Variants in TSNARE1 observed in about 807,000 individuals in gnomAD.
The protein encoded by TSNARE1 is t-SNARE domain-containing protein 1.
A neutral mutation model predicts 62.0 loss-of-function variants in TSNARE1; 49 were observed. The observed-to-expected ratio is 0.79, with a 90% confidence interval of 0.63 to 1.00. The LOEUF is 1.00. Ranked by LOEUF, TSNARE1 falls within the 50% of genes least tolerant of loss-of-function variation. TSNARE1 has a pLI of 0.00. For synonymous variants in TSNARE1, 328 were observed against 294.4 expected (o/e 1.11, Z -1.17); for missense variants, 755 against 700.1 (o/e 1.08, Z -0.88).
At chr8:142,353,755 G>C (rs916008415) in intron 2 of TSNARE1, among the ~76,000 whole-genome samples, 2 of 111,950 alleles carry the variant, frequency 1.8e-5, no homozygotes, top group African/African-American at 9.4e-5. Context: ...TGCAAGGGAG[G>C]AACCACCCCA....
intron 11 of TSNARE1, among the ~76,000 whole-genome samples, chr8:142,282,694 G>C (rs1476618705): frequency 6.7e-6 from 1 of 150,096 alleles, no homozygotes; most frequent in Non-Finnish European, 1.5e-5. Flanking sequence ...AATGAGCAGA[G>C]GCGGGGCCAG....
chr8:142,395,167 G>A (rs1289516604), intron 1 of TSNARE1, among the ~76,000 whole-genome samples: 1 of 152,080 alleles, frequency 6.6e-6, no homozygotes, highest in African/African-American at 2.4e-5. Flanking sequence ...TGCCCACTGT[G>A]GGCATTTTCC....
intron 1 of TSNARE1, among the ~76,000 whole-genome samples, chr8:142,382,052 C>A (rs1836795982): frequency 6.6e-6 from 1 of 152,168 alleles, no homozygotes; most frequent in Admixed American, 6.5e-5. Flanking sequence ...CTGGCCGTTC[C>A]CAGGCCCACG....
At chr8:142,403,820 C>T (rs1838483532), upstream of TSNARE1, 1 of 152,248 alleles carries the variant, frequency 6.6e-6, no homozygotes, top group African/African-American at 2.4e-5. Flanking sequence ...CCTCCTGGGA[C>T]CTCCTTCCGC....
At chr8:142,279,961 G>A in intron 11 of TSNARE1, 1 of 1,114,344 alleles carries the variant, frequency 9.0e-7, no homozygotes, top group South Asian at 1.9e-5. Flanking sequence ...GCCGGGGGCG[G>A]GGCCGCCCTC....
intron 13 of TSNARE1, among the ~76,000 whole-genome samples, chr8:142,225,979 C>A (rs1316550150): frequency 6.6e-6 from 1 of 152,192 alleles, no homozygotes; most frequent in Non-Finnish European, 1.5e-5. Flanking sequence ...CTCATTCCTG[C>A]TCCCTCTCCA....
chr8:142,405,701 T>G (rs1468949392), upstream of TSNARE1: 1 of 30,012 alleles, frequency 3.3e-5, no homozygotes, highest in African/African-American at 1.3e-4. Context: ...CCTCCCACCC[T>G]TCCTCTCTAC....
upstream of TSNARE1, chr8:142,403,360 C>T (rs1838452216): frequency 6.6e-6 from 1 of 151,896 alleles, no homozygotes; most frequent in South Asian, 2.1e-4. Flanking sequence ...GTCGGCTGTC[C>T]TCACTTGCCT....
intron 13 of TSNARE1, among the ~76,000 whole-genome samples, chr8:142,222,611 T>TCCACTCAC: frequency 1.5e-5 from 1 of 65,140 alleles, no homozygotes; most frequent in East Asian, 5.4e-4. Flanking sequence ...CACTCACTCA[T>TCCACTCAC]TCATCCACTC....
intron 12 of TSNARE1, among the ~76,000 whole-genome samples, chr8:142,247,315 G>A (rs1460303809): frequency 6.6e-6 from 1 of 152,260 alleles, no homozygotes; most frequent in East Asian, 1.9e-4. Context: ...GGTGCGTCTA[G>A]AAGGTGGGAC....
chr8:142,217,406 C>G (rs145582377), intron 13 of TSNARE1, among the ~76,000 whole-genome samples: 1 of 151,894 alleles, frequency 6.6e-6, no homozygotes, highest in Non-Finnish European at 1.5e-5. Flanking sequence ...AAGCAAGCAA[C>G]GGCGTAAGGA....
Position 142,379,487 on chromosome 8 carries a change from C to T in TSNARE1, c.-40+23617G>A, listed in dbSNP as rs115884209. Among the ~76,000 whole-genome samples the T allele has an allele frequency of 6.9e-3, 1,051 of 152,368 alleles. 11 individuals carry two copies. The highest frequency in any genetic ancestry group is 0.024 in the African/African-American group (990 of 41,590). On this transcript the variant is annotated intron_variant, in intron 1 of 13. Transcript: ENST00000524325. ...GGTTTCACAACTTCTAAAACAAACA[C>T]GGCCAACACCACTCCTGCCAGGGGC...
In TSNARE1 at chr8:142,344,348, G is replaced by C; in HGVS notation, c.363C>G (p.Ala121=). 1.9e-6 allele frequency: 3 copies of C among 1,577,246 alleles called. No individual in the cohort carries two copies. The highest frequency in any genetic ancestry group is 1.7e-6 in the Non-Finnish European group (2 of 1,160,956). The change falls in exon 4 of 14, where the codon GCC becomes GCG. Residue 121 remains alanine (A), a synonymous_variant. Coordinates refer to ENST00000524325, the MANE Select transcript of TSNARE1 (RefSeq NM_145003.5). Reference sequence around the variant, plus strand: ...GGCAGAAGTTGGGCTTCCTCTTCTTGGCCCGGGTAGTGCTGGGCCCCGCCA... The same window carrying C: ...GGCAGAAGTTGGGCTTCCTCTTCTTCGCCCGGGTAGTGCTGGGCCCCGCCA... ...GRMAGPSTTR[A]KKRKPNFCPQ... is the part of the protein sequence containing the mutation.
chr8:142,384,120 G>A (rs77544976), intron 1 of TSNARE1, among the ~76,000 whole-genome samples: 5,040 of 152,234 alleles, frequency 0.033, 140 homozygotes, highest in Admixed American at 0.092. Flanking sequence ...AAGGGCTGGC[G>A]TCAGGAGCCT....
At chr8:142,275,326 G>T (rs1319711247) in intron 11 of TSNARE1, 8 of 985,332 alleles carry the variant, frequency 8.1e-6, no homozygotes, top group Admixed American at 6.1e-5. Context: ...GCTCTGGTTT[G>T]CCACACGCAC....
intron 1 of TSNARE1, among the ~76,000 whole-genome samples, chr8:142,396,122 G>A (rs1837878996): frequency 6.6e-6 from 1 of 151,974 alleles, no homozygotes; most frequent in Non-Finnish European, 1.5e-5. Flanking sequence ...CCCAGACCAT[G>A]CCACACTCAA....
chr8:142,306,638 G>A (rs1379220579), intron 9 of TSNARE1, among the ~76,000 whole-genome samples: 3 of 152,344 alleles, frequency 2.0e-5, no homozygotes, highest in Admixed American at 6.5e-5. Flanking sequence ...AGGGCTGCCC[G>A]GCCTGTGAGT....
intron 1 of TSNARE1, among the ~76,000 whole-genome samples, chr8:142,358,892 A>G (rs911405348): frequency 6.6e-6 from 1 of 151,068 alleles, no homozygotes; most frequent in African/African-American, 2.4e-5. Context: ...CTCAACCCCC[A>G]TCCTGCGCTG....
chr8:142,277,740 T>C, intron 11 of TSNARE1: 1 of 985,390 alleles, frequency 1.0e-6, no homozygotes, highest in Non-Finnish European at 1.2e-6. Context: ...CCTGGGGACC[T>C]GGAGTGGCTG....
Sources: allele counts gnomAD v4.1 joint callset (sites outside exome capture counted in the v4.1 genomes callset), GRCh38; gene constraint gnomAD v4.1.1; transcripts MANE v1.5; gene names NCBI Gene and HGNC (gene_info 2026-07-23, HGNC 2026-07-21).